EVA1C: variants seen among roughly 807,000 people sequenced by gnomAD.
EVA1C encodes the protein eva-1 homolog C.
Under a neutral mutation model 45.4 loss-of-function variants are expected in EVA1C, and 25 were observed. That is an observed-to-expected ratio of 0.55 (90% CI 0.40 to 0.77). The LOEUF (loss-of-function observed/expected upper bound fraction) is 0.77. EVA1C is among the 30% of genes least tolerant of loss of function. EVA1C has a pLI of 0.00. For synonymous variants in EVA1C, 190 were observed against 221.2 expected, an observed-to-expected ratio of 0.86 and a Z score of 1.25; for missense variants, 479 against 554.8, an observed-to-expected ratio of 0.86 and a Z score of 1.37.
chr21:32,502,979 T>C (rs991696627), intron 6 of EVA1C, among the ~76,000 whole-genome samples: 1 of 152,066 alleles, frequency 6.6e-6, no homozygotes, highest in Non-Finnish European at 1.5e-5. Context: ...AACAGCCTGG[T>C]CCCCCTGCAG....
At chr21:32,415,002 C>A (rs1007048294) in intron 1 of EVA1C, among the ~76,000 whole-genome samples, 1 of 152,214 alleles carries the variant, frequency 6.6e-6, no homozygotes, top group African/African-American at 2.4e-5. Flanking sequence ...GAAAGATCAT[C>A]TTCCAAAGTT....
chr21:32,484,458 T>C (rs1021495089), intron 4 of EVA1C, among the ~76,000 whole-genome samples: 3 of 151,508 alleles, frequency 2.0e-5, no homozygotes, highest in African/African-American at 7.3e-5. Context: ...GCAGGAGAAT[T>C]GCTTGAACCC....
intron 1 of EVA1C, among the ~76,000 whole-genome samples, chr21:32,442,418 G>A (rs940142700): frequency 6.6e-6 from 1 of 152,068 alleles, no homozygotes; most frequent in African/African-American, 2.4e-5. Flanking sequence ...TGTAGTGCCA[G>A]TCCTGAGCCC....
At chr21:32,511,515 G>GA (rs1253540249) in intron 7 of EVA1C, among the ~76,000 whole-genome samples, 1 of 149,608 alleles carries the variant, frequency 6.7e-6, no homozygotes, top group Non-Finnish European at 1.5e-5. Flanking sequence ...AGGCAACCCA[G>GA]AAAAAAAATG....
chr21:32,423,268 C>T (rs541409116), intron 1 of EVA1C, among the ~76,000 whole-genome samples: 6 of 152,142 alleles, frequency 3.9e-5, no homozygotes, highest in African/African-American at 1.2e-4. Flanking sequence ...TGAGCTCTTC[C>T]AAGGACTATA....
intron 7 of EVA1C, among the ~76,000 whole-genome samples, chr21:32,512,894 G>A (rs1050688945): frequency 6.6e-6 from 1 of 152,036 alleles, no homozygotes; most frequent in Admixed American, 6.6e-5. Context: ...GGGGAGGAAA[G>A]GAGGGAAATT....
chr21:32,429,119 G>C (rs1482076022), intron 1 of EVA1C, among the ~76,000 whole-genome samples: 1 of 149,692 alleles, frequency 6.7e-6, no homozygotes, highest in Non-Finnish European at 1.5e-5. Flanking sequence ...CGCCTCCCGG[G>C]TTTAAGTGAT....
At chr21:32,490,912 G>A (rs941968889) in intron 4 of EVA1C, among the ~76,000 whole-genome samples, 1 of 152,226 alleles carries the variant, frequency 6.6e-6, no homozygotes, top group African/African-American at 2.4e-5. Context: ...AGGGATGGAG[G>A]TTATAACCTT....
intron 1 of EVA1C, chr21:32,428,602 T>A (rs1306293966): frequency 6.6e-6 from 1 of 152,234 alleles, no homozygotes; most frequent in African/African-American, 2.4e-5. Context: ...GGAATGCAAC[T>A]TATTACTGCC....
At position 32,467,879 on chromosome 21, in the gene EVA1C, G is replaced by A; in HGVS notation, c.634+31G>A. On this transcript the variant is annotated intron_variant, in intron 4 of 7. Coordinates refer to ENST00000300255, the MANE Select transcript of EVA1C (RefSeq NM_058187.5). ...TGCTTTTGTGTGTGTATTAGCCAGG[G>A]TTCTCTAGAGGGACAGAATTAATAG... 2.0e-6 allele frequency: 3 copies of A among 1,530,710 alleles called. No individual in the cohort carries two copies. In the South Asian group the frequency reaches 3.8e-5, roughly 19 times the overall value. 94.8% of individuals were successfully genotyped at this position (1,530,710 alleles called of 1,614,324 possible).
intron 1 of EVA1C, among the ~76,000 whole-genome samples, chr21:32,451,120 G>A (rs1186816071): frequency 6.6e-6 from 1 of 152,160 alleles, no homozygotes; most frequent in African/African-American, 2.4e-5. Flanking sequence ...CAGATTTCAG[G>A]GAAGGCCAGG....
At chr21:32,498,876 C>T (rs1314089900) in intron 5 of EVA1C, among the ~76,000 whole-genome samples, 4 of 152,060 alleles carry the variant, frequency 2.6e-5, no homozygotes, top group Non-Finnish European at 5.9e-5. Flanking sequence ...TCAATCACAC[C>T]CCAGTCCCCG....
intron 1 of EVA1C, among the ~76,000 whole-genome samples, chr21:32,440,052 G>A (rs749936297): frequency 2.0e-5 from 3 of 152,006 alleles, no homozygotes; most frequent in Admixed American, 6.6e-5. Flanking sequence ...GATGGGAGGC[G>A]GTGCCCTTCC....
intron 4 of EVA1C, among the ~76,000 whole-genome samples, chr21:32,494,279 C>A (rs1032059775): frequency 2.0e-5 from 3 of 152,072 alleles, no homozygotes. Flanking sequence ...CTACAGTGGG[C>A]GAGGTGTGAG....
At chr21:32,481,677 A>C (rs1315540968) in intron 4 of EVA1C, among the ~76,000 whole-genome samples, 1 of 152,222 alleles carries the variant, frequency 6.6e-6, no homozygotes, top group African/African-American at 2.4e-5. Context: ...TTCTATTTAG[A>C]CATAAATTTC....
Position 32,507,591 on chromosome 21 carries a change from T to C in EVA1C, c.949+3576T>C, listed in dbSNP as rs374014367. ...GTGTGCATGTGTATATGTGTGTGCA[T>C]GTGTGTTTCTATGTGTACATGTGTG... On this transcript the variant is annotated intron_variant, in intron 7 of 7. Coordinates refer to ENST00000300255, the MANE Select transcript of EVA1C (RefSeq NM_058187.5). Among the ~76,000 whole-genome samples, 350 of 152,110 alleles carry C rather than the reference T, an allele frequency of 2.3e-3. 3 individuals are homozygous for C. The highest frequency in any genetic ancestry group is 7.7e-3 in the African/African-American group (320 of 41,498).
chr21:32,449,633 T>G (rs1427938356), intron 1 of EVA1C, among the ~76,000 whole-genome samples: 3 of 152,036 alleles, frequency 2.0e-5, no homozygotes, highest in Non-Finnish European at 4.4e-5. Flanking sequence ...TTTTGTTTTT[T>G]TTTTTTGAGA....
intron 1 of EVA1C, among the ~76,000 whole-genome samples, chr21:32,434,589 T>A (rs2034856850): frequency 7.0e-6 from 1 of 143,756 alleles, no homozygotes; most frequent in African/African-American, 2.6e-5. Context: ...AGACTCCGTC[T>A]CAAAAAATAA....
chr21:32,427,916 C>T (rs1216582021), intron 1 of EVA1C, among the ~76,000 whole-genome samples: 3 of 151,038 alleles, frequency 2.0e-5, no homozygotes, highest in African/African-American at 7.3e-5. Context: ...TTTCTCTTTT[C>T]CTAGTTGTTT....
Sources: gnomAD v4.1 joint callset for allele counts (sites outside exome capture counted in the v4.1 genomes callset) on GRCh38, gnomAD v4.1.1 for gene constraint, MANE v1.5 for transcripts, NCBI Gene and HGNC (gene_info 2026-07-23, HGNC 2026-07-21) for gene names.